Variants in TTC28 observed in about 807,000 individuals in gnomAD.
TTC28 encodes the protein tetratricopeptide repeat domain 28.
Under a neutral mutation model 198.0 loss-of-function variants are expected in TTC28, and 61 were observed. The ratio of observed to expected loss-of-function variants is 0.31; its 90% CI spans 0.25 to 0.38. The LOEUF (loss-of-function observed/expected upper bound fraction) is 0.38, where lower values mean the gene tolerates loss of function less well. Among genes scored for constraint, TTC28 ranks in the 10% least tolerant of loss-of-function variants. The pLI is 1.00. For missense variants in TTC28, 2,678 were observed against 3,164.0 expected (o/e 0.85, Z 3.69); for synonymous variants, 1,171 against 1,297.8 (o/e 0.90, Z 2.10).
At chr22:28,622,980 C>A (rs1295887365) in intron 2 of TTC28, among the ~76,000 whole-genome samples, 1 of 152,100 alleles carries the variant, frequency 6.6e-6, no homozygotes, top group East Asian at 1.9e-4. Flanking sequence ...TGCCACCACA[C>A]CGAGCTAATT....
At chr22:28,050,093 T>G (rs1056504144) in intron 12 of TTC28, among the ~76,000 whole-genome samples, 3 of 152,148 alleles carry the variant, frequency 2.0e-5, no homozygotes, top group Admixed American at 2.0e-4. Flanking sequence ...AGGTAGATCT[T>G]ATCTTTGTTA....
intron 2 of TTC28, among the ~76,000 whole-genome samples, chr22:28,471,271 G>A (rs187362800): frequency 3.9e-5 from 6 of 152,200 alleles, no homozygotes; most frequent in Non-Finnish European, 7.4e-5. Flanking sequence ...GGAACTCTTT[G>A]TACCTCAATC....
In TTC28 at chr22:28,334,198, T is replaced by A. The variant is rs549208835; in HGVS notation, c.382-27555A>T. Among the ~76,000 whole-genome samples the A allele has an allele frequency of 3.9e-3, 589 of 152,162 alleles. 5 individuals are homozygous for A. Among genetic ancestry groups the A allele is most frequent in the Middle Eastern group, 0.031 (9 of 294 alleles). Reference sequence around the variant, plus strand: ...ACATGAACTCATCCCTTTTTATGGCTGCATAGTATTCCATGGTGTATATGT... The same window carrying A: ...ACATGAACTCATCCCTTTTTATGGCAGCATAGTATTCCATGGTGTATATGT... On this transcript the variant is annotated intron_variant, in intron 2 of 22. Coordinates refer to ENST00000397906, the MANE Select transcript of TTC28 (RefSeq NM_001145418.2).
chr22:28,486,542 T>C (rs2048317290), intron 2 of TTC28, among the ~76,000 whole-genome samples: 1 of 152,112 alleles, frequency 6.6e-6, no homozygotes, highest in South Asian at 2.1e-4. Context: ...CTAATCAACT[T>C]TCATGTATAT....
intron 2 of TTC28, among the ~76,000 whole-genome samples, chr22:28,510,064 G>A (rs750734573): frequency 1.3e-5 from 2 of 152,114 alleles, no homozygotes; most frequent in Non-Finnish European, 2.9e-5. Flanking sequence ...AAAAGCCCAT[G>A]ACCAGACAGA....
At chr22:28,051,416 T>C (rs1940082149) in intron 12 of TTC28, among the ~76,000 whole-genome samples, 1 of 152,254 alleles carries the variant, frequency 6.6e-6, no homozygotes, top group Non-Finnish European at 1.5e-5. Context: ...CAAAGTAATA[T>C]AGGATTTCCT....
chr22:28,584,538 T>A (rs2050283208), intron 2 of TTC28, among the ~76,000 whole-genome samples: 1 of 152,220 alleles, frequency 6.6e-6, no homozygotes, highest in African/African-American at 2.4e-5. Context: ...ACTAATAAAG[T>A]AGCCATTAGT....
intron 6 of TTC28, among the ~76,000 whole-genome samples, chr22:28,110,222 G>A (rs1942445655): frequency 6.6e-6 from 1 of 152,164 alleles, no homozygotes; most frequent in Middle Eastern, 3.2e-3. Flanking sequence ...TGCATGCTGT[G>A]GAGATCTGCC....
chr22:28,644,717 G>A (rs965354789), intron 1 of TTC28, among the ~76,000 whole-genome samples: 1 of 151,842 alleles, frequency 6.6e-6, no homozygotes, highest in Non-Finnish European at 1.5e-5. Context: ...CAGCTACTTG[G>A]GAGGCTGAGG....
At chr22:28,177,133 A>T (rs1923233619) in intron 5 of TTC28, among the ~76,000 whole-genome samples, 3 of 152,206 alleles carry the variant, frequency 2.0e-5, no homozygotes, top group Non-Finnish European at 4.4e-5. Flanking sequence ...TAAATGATAA[A>T]AGACTTATAT....
At chr22:28,357,362 G>T (rs2046094499) in intron 2 of TTC28, among the ~76,000 whole-genome samples, 1 of 149,648 alleles carries the variant, frequency 6.7e-6, no homozygotes, top group East Asian at 2.0e-4. Flanking sequence ...TCAGCAAGGG[G>T]TGGAGTACAG....
intron 2 of TTC28, among the ~76,000 whole-genome samples, chr22:28,497,650 C>T (rs2048475726): frequency 6.6e-6 from 1 of 152,114 alleles, no homozygotes; most frequent in South Asian, 2.1e-4. Context: ...AATAAAACTA[C>T]AGTGGGCGGC....
At chr22:28,517,576 G>A (rs545555563) in intron 2 of TTC28, among the ~76,000 whole-genome samples, 41 of 152,198 alleles carry the variant, frequency 2.7e-4, no homozygotes, top group African/African-American at 9.1e-4. Flanking sequence ...TATGGCCAGC[G>A]AACTTCCAAT....
chr22:28,478,587 A>G (rs1916446161), intron 2 of TTC28, among the ~76,000 whole-genome samples: 2 of 152,146 alleles, frequency 1.3e-5, no homozygotes, highest in Admixed American at 1.3e-4. Context: ...CTATGTCTAC[A>G]AAATAACATG....
At chr22:28,074,109 A>G (rs1414917172) in intron 12 of TTC28, among the ~76,000 whole-genome samples, 1 of 152,200 alleles carries the variant, frequency 6.6e-6, no homozygotes, top group Non-Finnish European at 1.5e-5. Flanking sequence ...CAACCAGTTC[A>G]AAGAGAAACT....
chr22:28,514,273 A>G (rs747938445), intron 2 of TTC28, among the ~76,000 whole-genome samples: 1 of 152,246 alleles, frequency 6.6e-6, no homozygotes, highest in Non-Finnish European at 1.5e-5. Context: ...TCTTTCTGAT[A>G]TATTAGTAAG....
At chr22:28,168,231 A>C (rs530059925) in intron 5 of TTC28, among the ~76,000 whole-genome samples, 1 of 152,366 alleles carries the variant, frequency 6.6e-6, no homozygotes, top group African/African-American at 2.4e-5. Flanking sequence ...AATATCGTGA[A>C]AATGGCCATA....
At chr22:28,571,689 T>G (rs964349553) in intron 2 of TTC28, among the ~76,000 whole-genome samples, 1 of 152,182 alleles carries the variant, frequency 6.6e-6, no homozygotes, top group Non-Finnish European at 1.5e-5. Context: ...GGTTCATGCC[T>G]GTAATCCCAA....
chr22:28,079,290 T>C (rs1941261269), intron 12 of TTC28, among the ~76,000 whole-genome samples: 1 of 152,236 alleles, frequency 6.6e-6, no homozygotes, highest in Non-Finnish European at 1.5e-5. Context: ...GATGGTGACC[T>C]GCACTGTGCA....
Sources: gnomAD v4.1 joint callset for allele counts (sites outside exome capture counted in the v4.1 genomes callset) on GRCh38, gnomAD v4.1.1 for gene constraint, MANE v1.5 for transcripts, NCBI Gene and HGNC (gene_info 2026-07-23, HGNC 2026-07-21) for gene names.